SLC9A9: variants seen among roughly 807,000 people sequenced by gnomAD.
The protein encoded by SLC9A9 is sodium/hydrogen exchanger 9.
Under a neutral mutation model 77.8 loss-of-function variants are expected in SLC9A9, and 62 were observed. The observed-to-expected ratio is 0.80, with a 90% CI of 0.65 to 0.98. The LOEUF (loss-of-function observed/expected upper bound fraction) is 0.98, where lower values mean the gene tolerates loss of function less well. Among genes scored for constraint, SLC9A9 ranks in the 50% least tolerant of loss-of-function variants. SLC9A9 has a pLI of 0.00. For missense variants in SLC9A9, 775 were observed against 774.9 expected (o/e 1.00, Z 0.00); for synonymous variants, 320 against 283.5 (o/e 1.13, Z -1.29).
chr3:143,486,140 G>GA (rs951803908), intron 11 of SLC9A9, among the ~76,000 whole-genome samples: 4 of 151,482 alleles, frequency 2.6e-5, no homozygotes, highest in Admixed American at 6.6e-5. Context: ...AACGCTAAAA[G>GA]AAAAAAATAA....
intron 6 of SLC9A9, among the ~76,000 whole-genome samples, chr3:143,615,839 A>G (rs13089318): frequency 0.62 from 93,476 of 151,626 alleles, 29,176 homozygotes; most frequent in African/African-American, 0.72. Flanking sequence ...GTAAATAACA[A>G]AAGGAAAAAT....
chr3:143,290,744 A>G (rs2029919703), intron 14 of SLC9A9, among the ~76,000 whole-genome samples: 1 of 152,240 alleles, frequency 6.6e-6, no homozygotes, highest in Non-Finnish European at 1.5e-5. Context: ...ATAAGTTATG[A>G]AAATTAAGCA....
chr3:143,367,421 G>A (rs2032941112), intron 13 of SLC9A9, among the ~76,000 whole-genome samples: 1 of 152,192 alleles, frequency 6.6e-6, no homozygotes, highest in Non-Finnish European at 1.5e-5. Context: ...AAGATGTTCA[G>A]AATATGTCTT....
chr3:143,587,558 G>GGGAGTCAGGCT (rs1001567071), intron 6 of SLC9A9, among the ~76,000 whole-genome samples: 1 of 152,246 alleles, frequency 6.6e-6, no homozygotes, highest in Admixed American at 6.5e-5. Context: ...GGACAGTGGT[G>GGGAGTCAGGCT]GGAGTCAGGC....
chr3:143,552,883 T>A (rs545880016), intron 8 of SLC9A9, among the ~76,000 whole-genome samples: 6 of 152,304 alleles, frequency 3.9e-5, no homozygotes, highest in African/African-American at 1.4e-4. Context: ...TTGGGTAGCC[T>A]AAAGAAGTTC....
At chr3:143,280,801 C>T (rs1036953440) in intron 14 of SLC9A9, among the ~76,000 whole-genome samples, 2 of 152,122 alleles carry the variant, frequency 1.3e-5, no homozygotes, top group Non-Finnish European at 2.9e-5. Flanking sequence ...GACCTGCCTG[C>T]CTTGGCCTCC....
intron 12 of SLC9A9, among the ~76,000 whole-genome samples, chr3:143,398,436 G>T (rs1366106896): frequency 2.0e-5 from 3 of 152,114 alleles, no homozygotes; most frequent in Admixed American, 1.3e-4. Context: ...TGAAAAGGGA[G>T]TTGGAGACAC....
At chr3:143,493,619 C>T (rs1325183092) in intron 11 of SLC9A9, 34 bp downstream of exon 11, 1 of 1,571,436 alleles carries the variant, frequency 6.4e-7, no homozygotes, top group South Asian at 1.1e-5. Context: ...TGTGAGAAAA[C>T]CAGCAGCACT....
chr3:143,446,366 A>G (rs1378922288), intron 12 of SLC9A9, among the ~76,000 whole-genome samples: 1 of 152,072 alleles, frequency 6.6e-6, no homozygotes, highest in Non-Finnish European at 1.5e-5. Flanking sequence ...TCTCTTACGA[A>G]TTGGAAAGAT....
chr3:143,332,484 G>C (rs1353554004), intron 14 of SLC9A9, among the ~76,000 whole-genome samples: 1 of 152,154 alleles, frequency 6.6e-6, no homozygotes, highest in Non-Finnish European at 1.5e-5. Context: ...AATTAGAGTG[G>C]GGAGAATCTT....
intron 2 of SLC9A9, among the ~76,000 whole-genome samples, chr3:143,803,510 G>A (rs1446786900): frequency 6.6e-6 from 1 of 152,152 alleles, no homozygotes; most frequent in African/African-American, 2.4e-5. Context: ...CATCACAGCT[G>A]TTGTCTCCTG....
At chr3:143,280,268 T>A (rs192597318) in intron 14 of SLC9A9, among the ~76,000 whole-genome samples, 176 of 152,262 alleles carry the variant, frequency 1.2e-3, no homozygotes, top group Non-Finnish European at 2.3e-3. Flanking sequence ...ACAAAATGAA[T>A]ACACACACAC....
rs118138373 is a variant in SLC9A9, at chr3:143,826,300, C to T, written c.378+5719G>A. 9.4e-4 allele frequency among the ~76,000 whole-genome samples: 142 copies of T among 151,134 alleles called. 3 individuals are homozygous for T. The East Asian group carries it at 0.026, about 28-fold the overall frequency. On this transcript the variant is annotated intron_variant, in intron 2 of 15. Transcript: ENST00000316549. ...CACCATATTTGTGATTTGTGATTTTCTCCTACAAATCAACTCCTTCTTCTA... is the reference window on the plus strand; with the variant it reads ...CACCATATTTGTGATTTGTGATTTTTTCCTACAAATCAACTCCTTCTTCTA...
chr3:143,491,653 C>T (rs1204304145), intron 11 of SLC9A9, among the ~76,000 whole-genome samples: 1 of 152,098 alleles, frequency 6.6e-6, no homozygotes, highest in African/African-American at 2.4e-5. Flanking sequence ...TTAGAAGGTG[C>T]GAAAGCCTGG....
At chr3:143,795,658 G>A (rs1368901066) in intron 3 of SLC9A9, among the ~76,000 whole-genome samples, 1 of 152,180 alleles carries the variant, frequency 6.6e-6, no homozygotes, top group Non-Finnish European at 1.5e-5. Flanking sequence ...GAGTACAGGA[G>A]GTCGAAGCTG....
intron 14 of SLC9A9, among the ~76,000 whole-genome samples, chr3:143,288,080 T>C (rs1938429392): frequency 6.6e-6 from 1 of 152,012 alleles, no homozygotes; most frequent in African/African-American, 2.4e-5. Flanking sequence ...AATACTACAA[T>C]AGGAAAAAAT....
At chr3:143,479,136 C>T (rs1412894971) in intron 11 of SLC9A9, among the ~76,000 whole-genome samples, 2 of 152,188 alleles carry the variant, frequency 1.3e-5, no homozygotes, top group East Asian at 3.9e-4. Context: ...GTGTTTCACA[C>T]TCAATAAATG....
At chr3:143,782,841 T>G (rs1487916445) in intron 4 of SLC9A9, among the ~76,000 whole-genome samples, 1 of 152,142 alleles carries the variant, frequency 6.6e-6, no homozygotes, top group Non-Finnish European at 1.5e-5. Flanking sequence ...TGGAAAGAAA[T>G]AGTACATGAG....
chr3:143,795,005 T>A lies in SLC9A9; in HGVS notation c.529A>T (p.Ile177Leu). 1 of 1,613,772 alleles carries A rather than the reference T, an allele frequency of 6.2e-7. No individual in the cohort carries two copies. Among genetic ancestry groups the A allele is most frequent in the African/African-American group, 1.3e-5 (1 of 74,972 alleles). ...TGAGCTCCGAATGTCACTTACCCTA[T>A]GACGATGCAGGAGATGGCAGTTCCC... ...FLGTAISCIV[I>L]GLIMYGFVKA... is the part of the protein sequence containing the mutation. Residue 177 changes from isoleucine to leucine, a missense_variant, in exon 4 of 16, where the codon ATA (isoleucine) becomes TTA (leucine). Coordinates refer to ENST00000316549, the MANE Select transcript of SLC9A9 (RefSeq NM_173653.4).
Sources: gnomAD v4.1 joint callset for allele counts (sites outside exome capture counted in the v4.1 genomes callset) on GRCh38, gnomAD v4.1.1 for gene constraint, MANE v1.5 for transcripts, NCBI Gene and HGNC (gene_info 2026-07-23, HGNC 2026-07-21) for gene names.